The following ITGAD variants were observed in gnomAD, a reference collection of about 807,000 sequenced individuals.
ITGAD encodes the protein integrin alpha-D.
ITGAD carries 105 observed loss-of-function variants against 139.0 expected under a neutral mutation model. The ratio of observed to expected loss-of-function variants is 0.76; its 90% confidence interval spans 0.65 to 0.89. The LOEUF is 0.89. Among genes scored for constraint, ITGAD ranks in the 40% least tolerant of loss-of-function variants. The pLI is 0.00. For synonymous variants in ITGAD, 569 were observed against 598.3 expected, an observed-to-expected ratio of 0.95 and a Z score of 0.71; for missense variants, 1,384 against 1,487.3, an observed-to-expected ratio of 0.93 and a Z score of 1.14.
intron 15 of ITGAD, 30 bp downstream of exon 15, chr16:31,412,998 G>T (rs1468384205): frequency 1.2e-5 from 19 of 1,602,324 alleles, no homozygotes; most frequent in East Asian, 2.2e-5. Flanking sequence ...CTGCCCTCCC[G>T]CGCTGTGTCT....
In ITGAD at chr16:31,407,775, G is replaced by A. The variant is rs373889124; in HGVS notation, c.868G>A (p.Ala290Thr). 1.2e-5 allele frequency: 19 copies of A among 1,613,868 alleles called. No homozygotes were observed. The highest frequency in any genetic ancestry group is 8.0e-5 in the African/African-American group (6 of 74,930). The stretch of plus-strand genomic sequence containing the variant: ...TGTCTCTCTGCTGCAGGTGGGACAC[G>A]CTTTCCAGGGACCCACTGCCAGGCA... ...IIRYAIGVGHAFQGPTARQEL... is the reference protein window; with the variant it reads ...IIRYAIGVGHTFQGPTARQEL... Residue 290 changes from alanine (A) to threonine (T), a missense_variant, in exon 9 of 30, where the codon GCT becomes ACT. Coordinates refer to ENST00000389202, the MANE Select transcript of ITGAD (RefSeq NM_005353.3).
At chr16:31,396,037 G>A (rs1220288404) in intron 2 of ITGAD, among the ~76,000 whole-genome samples, 1 of 152,142 alleles carries the variant, frequency 6.6e-6, no homozygotes, top group African/African-American at 2.4e-5. Context: ...GTGCCTGGGT[G>A]AGCCCCACCT....
At chr16:31,409,258 G>A (rs953008862) in intron 10 of ITGAD, among the ~76,000 whole-genome samples, 1 of 151,954 alleles carries the variant, frequency 6.6e-6, no homozygotes, top group African/African-American at 2.4e-5. Context: ...TTGTGCCACT[G>A]CACTTCAGCC....
intron 29 of ITGAD, 72 bp downstream of exon 29, chr16:31,424,649 G>C (rs2082077891): frequency 1.8e-5 from 18 of 1,021,772 alleles, no homozygotes; most frequent in Non-Finnish European, 2.6e-5. Flanking sequence ...CCAGGCTGGA[G>C]TGCAATGGCA....
intron 18 of ITGAD, among the ~76,000 whole-genome samples, chr16:31,415,465 C>G (rs1016285593): frequency 6.6e-6 from 1 of 152,292 alleles, no homozygotes; most frequent in East Asian, 1.9e-4. Flanking sequence ...ACTAGGCACG[C>G]TTTTCATAAA....
intron 2 of ITGAD, among the ~76,000 whole-genome samples, chr16:31,395,639 C>G (rs907919214): frequency 6.6e-6 from 1 of 152,118 alleles, no homozygotes; most frequent in South Asian, 2.1e-4. Flanking sequence ...AGTTTTATTT[C>G]AAATTGGGAC....
At chr16:31,424,348 T>C (rs1474491753) in intron 28 of ITGAD, 119 bp from the exon 29 acceptor site, 1 of 1,248,610 alleles carries the variant, frequency 8.0e-7, no homozygotes, top group Admixed American at 1.8e-5. Flanking sequence ...GCACGGGTGC[T>C]ACTGTGTCTC....
chr16:31,398,257 T>TATAAA (rs140167654), intron 5 of ITGAD, among the ~76,000 whole-genome samples: 1 of 148,956 alleles, frequency 6.7e-6, no homozygotes, highest in Non-Finnish European at 1.5e-5. Context: ...CTACTAAAAA[T>TATAAA]ACAAAACAAA....
intron 1 of ITGAD, 117 bp downstream of exon 1, chr16:31,393,508 A>C: frequency 9.2e-7 from 1 of 1,091,108 alleles, no homozygotes; most frequent in Non-Finnish European, 1.4e-6. Flanking sequence ...GAGCTGAGGC[A>C]GGGGAGTGCT....
chr16:31,423,269 G>A (rs1353628677), intron 24 of ITGAD, 77 bp downstream of exon 24: 3 of 1,580,600 alleles, frequency 1.9e-6, no homozygotes, highest in Admixed American at 1.7e-5. Context: ...AGATGGAGAG[G>A]AGCCTTGGGG....
In ITGAD at chr16:31,416,260, C is replaced by G. The variant is rs747813404; in HGVS notation, c.2331C>G (p.Asp777Glu). Residue 777 changes from aspartate (D) to glutamate (E), a missense_variant, in exon 19 of 30, where the codon GAC (aspartate) becomes GAG (glutamate). Transcript: ENST00000389202. ...GGCAAGATGGCCTCTGTGAAGGGGA[C>G]CTGGGTGTCACCCTCAGCTTCTCAG... ...NCGQDGLCEG[D>E]LGVTLSFSGL... 6.2e-7 allele frequency: 1 copy of G among 1,604,930 alleles called. No homozygotes were observed. The highest frequency in any genetic ancestry group is 1.7e-5 in the Admixed American group (1 of 59,392).
At chr16:31,417,980 T>A (rs1341586296) in intron 20 of ITGAD, 95 bp from the exon 21 acceptor site, 2 of 941,128 alleles carry the variant, frequency 2.1e-6, no homozygotes, top group African/African-American at 3.3e-5. Context: ...GAAAAGTCTG[T>A]CATTTTCCCT....
At chr16:31,413,554 C>T (rs2081796010) in intron 16 of ITGAD, among the ~76,000 whole-genome samples, 1 of 152,162 alleles carries the variant, frequency 6.6e-6, no homozygotes, top group African/African-American at 2.4e-5. Flanking sequence ...TTCTTGCACC[C>T]TCCCACCCAT....
chr16:31,426,152 T>C lies in ITGAD; in HGVS notation c.*24T>C. On this transcript the variant is annotated 3_prime_UTR_variant, in exon 30 of 30. Transcript: ENST00000389202. ...AATAATCCACTTTCCTGTTTATCTC[T>C]ACCACTGTGGGCTGGACTTGCTTGC... The C allele has an allele frequency of 6.8e-7, 1 of 1,462,342 alleles. No individual in the cohort carries two copies. 90.6% of individuals were successfully genotyped at this position (1,462,342 alleles called of 1,614,324 possible).
chr16:31,398,385 C>T (rs1038162660), intron 5 of ITGAD, among the ~76,000 whole-genome samples: 1 of 151,350 alleles, frequency 6.6e-6, no homozygotes, highest in Non-Finnish European at 1.5e-5. Context: ...TGAGATTGTG[C>T]CATTGCACTC....
chr16:31,397,265 G>A (rs546197828), intron 2 of ITGAD, 94 bp from the exon 3 acceptor site: 6 of 793,914 alleles, frequency 7.6e-6, no homozygotes, highest in Admixed American at 7.1e-5. Flanking sequence ...ACAGAGTCTC[G>A]CTTCCCCATG....
rs928229469 is a variant in ITGAD, at chr16:31,408,005, C to G, written c.1009+89C>G. 1.9e-5 allele frequency: 26 copies of G among 1,366,048 alleles called. No individual in the cohort carries two copies. The East Asian group carries it at 3.1e-4, about 16-fold the overall frequency. The allele number at this position is 1,366,048 out of a possible 1,614,324, so 84.6% of individuals were successfully genotyped here. On this transcript the variant is annotated intron_variant, in intron 9 of 29. Coordinates refer to ENST00000389202, the MANE Select transcript of ITGAD (RefSeq NM_005353.3). ...TTTTTTTTTTTGAGATGGAGTCTCA[C>G]TTTGTCCCCAGGCTGGAGTGTAGTG...
rs1323068050 is a variant in ITGAD, at chr16:31,403,885, G to T, written c.704+240G>T. ...CCTCCCCTTTGCCTGGTTCTGCAGAGCCTGGACCCCAGGACCCCTCCCCAC... is the reference window on the plus strand; with the variant it reads ...CCTCCCCTTTGCCTGGTTCTGCAGATCCTGGACCCCAGGACCCCTCCCCAC... On this transcript the variant is annotated intron_variant, in intron 7 of 29. Transcript: ENST00000389202. This position sits in a 1 kb window ranked among gnomAD's most constrained non-coding sequence, Gnocchi z 4.4. The T allele has an allele frequency of 3.8e-6, 2 of 526,324 alleles. No individual in the cohort carries two copies. The highest frequency in any genetic ancestry group is 3.4e-5 in the East Asian group (1 of 29,824). The allele number at this position is 526,324 out of a possible 1,614,324, so 32.6% of individuals were successfully genotyped here.
intron 4 of ITGAD, 46 bp downstream of exon 4, chr16:31,397,712 G>A (rs754198525): frequency 1.4e-6 from 2 of 1,466,744 alleles, no homozygotes; most frequent in Non-Finnish European, 1.9e-6. Context: ...GGGGCGGGGG[G>A]TGTTGTTGGG....
Sources: allele counts gnomAD v4.1 joint callset (sites outside exome capture counted in the v4.1 genomes callset), GRCh38; gene constraint gnomAD v4.1.1; non-coding constraint Gnocchi (gnomAD v3.1); transcripts MANE v1.5; gene names NCBI Gene and HGNC (gene_info 2026-07-23, HGNC 2026-07-21).